SPATS1: variants seen among roughly 807,000 people sequenced by gnomAD.
SPATS1 encodes the protein spermatogenesis-associated serine-rich protein 1.
In SPATS1, 23 loss-of-function variants were observed where a neutral mutation model predicts 33.6. The ratio of observed to expected loss-of-function variants is 0.68; its 90% CI spans 0.49 to 0.97. The LOEUF (loss-of-function observed/expected upper bound fraction) is 0.97, where lower values mean the gene tolerates loss of function less well. Among genes scored for constraint, SPATS1 ranks in the 50% least tolerant of loss-of-function variants. The pLI is 0.00. For missense variants in SPATS1, 327 were observed against 361.0 expected, an observed-to-expected ratio of 0.91 and a Z score of 0.76; for synonymous variants, 131 against 125.6, an observed-to-expected ratio of 1.04 and a Z score of -0.29.
rs1365335487 is a variant in SPATS1 at position 44,378,324 on chromosome 6, T to C, written c.*1261T>C. 6.6e-6 allele frequency: 1 copy of C among 152,102 alleles called. No homozygotes were observed. The highest frequency in any genetic ancestry group is 6.6e-5 in the Admixed American group (1 of 15,262). The allele number at this position is 152,102 out of a possible 1,614,324, so 9.4% of individuals were successfully genotyped here. On this transcript the variant is annotated 3_prime_UTR_variant, in exon 9 of 9. Transcript: ENST00000674044. ...CTAGGGAACCCCCTTGGCTGGCTAATGAAGGCTGCAGATCTAGTATCTCCA... is the reference window on the plus strand; with the variant it reads ...CTAGGGAACCCCCTTGGCTGGCTAACGAAGGCTGCAGATCTAGTATCTCCA...
chr6:44,343,046 T>C (rs530285976), intron 1 of SPATS1, 50 bp from the exon 2 acceptor site: 1 of 1,607,898 alleles, frequency 6.2e-7, no homozygotes, highest in South Asian at 1.1e-5. Flanking sequence ...TACGAGGGAC[T>C]TTCTTTGTCT....
At chr6:44,376,267 T>G (rs1789944674) in intron 7 of SPATS1, 91 bp from the exon 8 acceptor site, 2 of 758,364 alleles carry the variant, frequency 2.6e-6, no homozygotes, top group East Asian at 5.4e-5. Context: ...GGAGGTCTTT[T>G]TACTTTTGGA....
At chr6:44,368,566 G>T (rs775169900) in intron 6 of SPATS1, 67 bp downstream of exon 6, 40 of 1,443,470 alleles carry the variant, frequency 2.8e-5, no homozygotes, top group Non-Finnish European at 3.4e-5. Context: ...CTACTACACA[G>T]AAATTATATT....
At chr6:44,365,534 T>C (rs1789192400) in intron 5 of SPATS1, among the ~76,000 whole-genome samples, 1 of 152,218 alleles carries the variant, frequency 6.6e-6, no homozygotes, top group Admixed American at 6.5e-5. Context: ...CTTTTATCTG[T>C]GACCTTTCCA....
At chr6:44,352,924 A>C in intron 3 of SPATS1, 51 bp downstream of exon 3, 4 of 1,584,268 alleles carry the variant, frequency 2.5e-6, no homozygotes, top group Non-Finnish European at 3.5e-6. Flanking sequence ...ATTCTGACCA[A>C]GAAGCCAATA....
rs1025715784 is a variant in SPATS1, at chr6:44,358,512, G to A, written c.288-1934G>A. ...ATTGATTTTTTATTTGCATTTAATG[G>A]TTTTATTAAACATGCTTTTTTTGGT... On this transcript the variant is annotated intron_variant, in intron 3 of 8. Coordinates refer to ENST00000674044, the MANE Select transcript of SPATS1 (RefSeq NM_001372081.1). 2.0e-5 allele frequency among the ~76,000 whole-genome samples: 3 copies of A among 152,038 alleles called. 1 individual carries two copies.
At chr6:44,365,035 C>A (rs112257287) in intron 5 of SPATS1, among the ~76,000 whole-genome samples, 2,041 of 152,172 alleles carry the variant, frequency 0.013, 45 homozygotes, top group African/African-American at 0.046. Context: ...ATGATCCACC[C>A]GCCTCGGCCT....
chr6:44,365,960 C>T (rs1789218232), intron 5 of SPATS1, among the ~76,000 whole-genome samples: 1 of 152,124 alleles, frequency 6.6e-6, no homozygotes, highest in African/African-American at 2.4e-5. Flanking sequence ...TACCAAGGCC[C>T]CATATTGTAC....
intron 5 of SPATS1, among the ~76,000 whole-genome samples, 161 bp downstream of exon 5, chr6:44,362,153 C>T (rs911010468): frequency 1.3e-5 from 2 of 152,214 alleles, no homozygotes; most frequent in Non-Finnish European, 2.9e-5. Flanking sequence ...AGTTTGCAGG[C>T]TGCACGTTTT....
intron 7 of SPATS1, among the ~76,000 whole-genome samples, chr6:44,373,928 C>G (rs1438632481): frequency 6.6e-6 from 1 of 152,114 alleles, no homozygotes; most frequent in Non-Finnish European, 1.5e-5. Context: ...ATATTTGTTT[C>G]AAGGCTCATT....
At chr6:44,361,699 C>A in intron 4 of SPATS1, 132 bp from the exon 5 acceptor site, 1 of 1,298,252 alleles carries the variant, frequency 7.7e-7, no homozygotes, top group Non-Finnish European at 1.1e-6. Context: ...TGATGTAGAA[C>A]CAAGGGATTA....
chr6:44,352,522 G>A (rs754041692), intron 2 of SPATS1, among the ~76,000 whole-genome samples: 1 of 152,018 alleles, frequency 6.6e-6, no homozygotes, highest in Admixed American at 6.6e-5. Flanking sequence ...CATAAAATGG[G>A]GATAATAAGG....
chr6:44,352,929 C>T (rs542268434), intron 3 of SPATS1, 56 bp downstream of exon 3: 2 of 1,577,232 alleles, frequency 1.3e-6, no homozygotes, highest in Non-Finnish European at 1.7e-6. Flanking sequence ...GACCAAGAAG[C>T]CAATAGTCTG....
intron 2 of SPATS1, among the ~76,000 whole-genome samples, chr6:44,346,182 T>C (rs2153364669): frequency 6.6e-6 from 1 of 151,540 alleles, no homozygotes; most frequent in African/African-American, 2.4e-5. Context: ...TCCCAGCTAC[T>C]TGGGAGGCTG....
chr6:44,376,787 C>T (rs529028937), intron 8 of SPATS1, among the ~76,000 whole-genome samples: 14 of 152,054 alleles, frequency 9.2e-5, no homozygotes, highest in African/African-American at 1.9e-4. Flanking sequence ...GGCAACAGAG[C>T]GAAACTTTGC....
At chr6:44,366,031 A>G (rs1210250165) in intron 5 of SPATS1, among the ~76,000 whole-genome samples, 1 of 152,114 alleles carries the variant, frequency 6.6e-6, no homozygotes, top group East Asian at 1.9e-4. Context: ...TCCCCCTAAA[A>G]GTAACACCTT....
intron 3 of SPATS1, among the ~76,000 whole-genome samples, chr6:44,355,060 A>T (rs972792315): frequency 1.3e-5 from 2 of 152,102 alleles, no homozygotes; most frequent in Non-Finnish European, 2.9e-5. Flanking sequence ...GACTCAAGTG[A>T]TCCACCTGCT....
intron 3 of SPATS1, among the ~76,000 whole-genome samples, chr6:44,353,964 G>T (rs1241384678): frequency 1.3e-5 from 2 of 148,488 alleles, no homozygotes; most frequent in Non-Finnish European, 3.0e-5. Context: ...GTGAACCTAG[G>T]AAGGCGGAGC....
chr6:44,362,842 C>CTT (rs35574093), intron 5 of SPATS1, among the ~76,000 whole-genome samples: 2 of 145,954 alleles, frequency 1.4e-5, no homozygotes, highest in Non-Finnish European at 3.0e-5. Flanking sequence ...GCACCTTGCA[C>CTT]TTTTTTTTTT....
Sources: gnomAD v4.1 joint callset for allele counts (sites outside exome capture counted in the v4.1 genomes callset) on GRCh38, gnomAD v4.1.1 for gene constraint, MANE v1.5 for transcripts, NCBI Gene and HGNC (gene_info 2026-07-23, HGNC 2026-07-21) for gene names.